The following SYNPR variants were observed in gnomAD, a reference collection of about 807,000 sequenced individuals.
The protein encoded by SYNPR is synaptoporin.
A neutral mutation model predicts 32.9 loss-of-function variants in SYNPR; 23 were observed. That is an observed-to-expected ratio of 0.70 (90% CI 0.50 to 0.99). The LOEUF is 0.99. Among genes scored for constraint, SYNPR ranks in the 50% least tolerant of loss-of-function variants. The pLI, the probability that SYNPR is intolerant of heterozygous loss-of-function variation, is 0.00. For synonymous variants in SYNPR, 146 were observed against 135.9 expected, an observed-to-expected ratio of 1.07 and a Z score of -0.52; for missense variants, 318 against 349.3, an observed-to-expected ratio of 0.91 and a Z score of 0.71.
At chr3:63,342,374 C>T (rs1219596401) in intron 2 of SYNPR, among the ~76,000 whole-genome samples, 2 of 152,082 alleles carry the variant, frequency 1.3e-5, no homozygotes, top group Non-Finnish European at 2.9e-5. Flanking sequence ...AATTGATATG[C>T]TCATATGATT....
chr3:63,345,093 C>A (rs1466771363), intron 2 of SYNPR, among the ~76,000 whole-genome samples: 1 of 152,204 alleles, frequency 6.6e-6, no homozygotes, highest in Non-Finnish European at 1.5e-5. Flanking sequence ...GTGACCACCC[C>A]ATGCGACTCT....
chr3:63,206,451 C>A, the SYNPR span, among the ~76,000 whole-genome samples: 11 of 152,062 alleles, frequency 7.2e-5, no homozygotes, highest in African/African-American at 2.7e-4. Flanking sequence ...GTCCCAGCTA[C>A]TTGGGAGGCT....
At chr3:63,324,014 C>T (rs1177086614) in intron 2 of SYNPR, among the ~76,000 whole-genome samples, 1 of 152,040 alleles carries the variant, frequency 6.6e-6, no homozygotes, top group Non-Finnish European at 1.5e-5. Flanking sequence ...TGTTTAGCCA[C>T]CTATAGTATA....
chr3:63,552,086 C>T (rs542567462), intron 3 of SYNPR, among the ~76,000 whole-genome samples: 51 of 151,894 alleles, frequency 3.4e-4, no homozygotes, highest in African/African-American at 1.0e-3. Context: ...TTAATAGAGA[C>T]GAGGTTTCAC....
intron 4 of SYNPR, among the ~76,000 whole-genome samples, chr3:63,599,430 GT>G (rs1700006693): frequency 6.6e-6 from 1 of 151,168 alleles, no homozygotes; most frequent in Admixed American, 6.6e-5. Context: ...GTGTAGATGT[GT>G]TTACATACAC....
chr3:63,283,330 T>G (rs1350157662), intron 2 of SYNPR, among the ~76,000 whole-genome samples: 1 of 131,184 alleles, frequency 7.6e-6, no homozygotes, highest in East Asian at 2.1e-4. Context: ...AAGTCCAGCC[T>G]TGAGGGGAAA....
intron 4 of SYNPR, among the ~76,000 whole-genome samples, chr3:63,576,619 G>A (rs1468947229): frequency 3.3e-5 from 5 of 151,694 alleles, no homozygotes; most frequent in Non-Finnish European, 7.4e-5. Context: ...GTGAAACCCC[G>A]TCTCTACTAA....
chr3:63,493,638 A>T (rs1436677782), intron 3 of SYNPR, among the ~76,000 whole-genome samples: 1 of 151,904 alleles, frequency 6.6e-6, no homozygotes, highest in Non-Finnish European at 1.5e-5. Context: ...CAACATGGTG[A>T]AACCTCATCT....
chr3:63,504,290 AG>A (rs1308364107), intron 3 of SYNPR, among the ~76,000 whole-genome samples: 2 of 152,196 alleles, frequency 1.3e-5, no homozygotes, highest in Non-Finnish European at 2.9e-5. Flanking sequence ...GATCTTGCAA[AG>A]AAAATCTCAA....
chr3:63,300,181 A>T (rs548015208), intron 2 of SYNPR, among the ~76,000 whole-genome samples: 1 of 152,192 alleles, frequency 6.6e-6, no homozygotes, highest in African/African-American at 2.4e-5. Flanking sequence ...ATAGGGAAGG[A>T]GGGAAGGAAG....
intron 4 of SYNPR, among the ~76,000 whole-genome samples, chr3:63,591,808 G>C (rs1379203399): frequency 8.2e-6 from 1 of 121,608 alleles, no homozygotes; most frequent in Non-Finnish European, 1.7e-5. Flanking sequence ...GACTGTGGTG[G>C]GGTGGGGGGA....
upstream of SYNPR, among the ~76,000 whole-genome samples, chr3:63,274,521 G>T (rs1045931499): frequency 3.3e-5 from 5 of 152,176 alleles, no homozygotes; most frequent in Admixed American, 6.5e-5. Flanking sequence ...GATTCAAAAT[G>T]GTTGGTTTGT....
intron 2 of SYNPR, among the ~76,000 whole-genome samples, chr3:63,292,745 G>A (rs189924953): frequency 6.6e-5 from 10 of 152,306 alleles, no homozygotes; most frequent in Non-Finnish European, 1.0e-4. Context: ...GAAAATTCAC[G>A]AGAGTCTTCT....
chr3:63,227,433 G>C (rs558345072), upstream of SYNPR, among the ~76,000 whole-genome samples: 112 of 152,294 alleles, frequency 7.4e-4, no homozygotes, highest in African/African-American at 2.5e-3. Flanking sequence ...ATCAGAGAGA[G>C]AGTATATTAC....
intron 4 of SYNPR, among the ~76,000 whole-genome samples, chr3:63,595,832 GTTATATATATAGTT>G (rs1454678853): frequency 5.8e-4 from 27 of 46,224 alleles, no homozygotes; most frequent in Admixed American, 8.7e-4. Flanking sequence ...TATATATATA[GTTATATATATAGTT>G]TTATATATAT....
chr3:63,556,724 A>C lies in SYNPR; in HGVS notation c.391A>C (p.Asn131His). The stretch of plus-strand genomic sequence containing the variant: ...CTTCCAGAACAAATACCGGGAAAAC[A>C]ACCGGGGCCCACTCATTGTAAGTGG... Reference protein sequence around the residue: ...IFFQNKYRENNRGPLIDFIVT... With the variant: ...IFFQNKYRENHRGPLIDFIVT... Residue 131 changes from asparagine to histidine, a missense_variant, in exon 4 of 6, where the codon AAC becomes CAC. Coordinates refer to ENST00000478300, the MANE Select transcript of SYNPR (RefSeq NM_001130003.2). 6.2e-7 allele frequency: 1 copy of C among 1,613,182 alleles called. No homozygotes were observed. Among genetic ancestry groups the C allele is most frequent in the Non-Finnish European group, 8.5e-7 (1 of 1,179,596 alleles).
At chr3:63,279,254 G>T (rs1323663722) in intron 2 of SYNPR, among the ~76,000 whole-genome samples, 2 of 152,158 alleles carry the variant, frequency 1.3e-5, no homozygotes, top group African/African-American at 4.8e-5. Flanking sequence ...GGGAGCTTCA[G>T]GGAGGGAAAG....
the SYNPR span, among the ~76,000 whole-genome samples, chr3:63,203,945 G>A: frequency 6.6e-6 from 1 of 152,160 alleles, no homozygotes; most frequent in African/African-American, 2.4e-5. Context: ...GTTGCAGTAA[G>A]CCAAGATGGC....
chr3:63,243,746 G>C (rs62251304), intron 1 of SYNPR, among the ~76,000 whole-genome samples: 1 of 151,830 alleles, frequency 6.6e-6, no homozygotes. Context: ...TCAGAATTAC[G>C]TATATGGTCA....
Sources: gnomAD v4.1 joint callset for allele counts (sites outside exome capture counted in the v4.1 genomes callset) on GRCh38, gnomAD v4.1.1 for gene constraint, MANE v1.5 for transcripts, NCBI Gene and HGNC (gene_info 2026-07-23, HGNC 2026-07-21) for gene names.